NOL4: variants seen among roughly 807,000 people sequenced by gnomAD.
NOL4 encodes cancer/testis antigen 125.
NOL4 carries 17 observed loss-of-function variants against 75.9 expected under a neutral mutation model. The observed-to-expected ratio is 0.22, with a 90% confidence interval of 0.15 to 0.34. The LOEUF (loss-of-function observed/expected upper bound fraction) is 0.34, where lower values mean the gene tolerates loss of function less well. Ranked by LOEUF, NOL4 falls within the 10% of genes least tolerant of loss-of-function variation. The pLI is 1.00. For missense variants in NOL4, 614 were observed against 793.5 expected (o/e 0.77, Z 2.72); for synonymous variants, 292 against 289.9 (o/e 1.01, Z -0.07).
Position 33,885,333 on chromosome 18 carries a change from C to T in NOL4, c.1543-1909G>A, listed in dbSNP as rs1029841267. Among the ~76,000 whole-genome samples, 10 of 152,070 alleles carry T rather than the reference C, an allele frequency of 6.6e-5. No individual in the cohort carries two copies. The East Asian group carries it at 1.2e-3, about 18-fold the overall frequency. ...CAAAAATGGACAAACAGGATCACATCAAGTGAAAACCTTCTGCACAGCAAA... is the reference window on the plus strand; with the variant it reads ...CAAAAATGGACAAACAGGATCACATTAAGTGAAAACCTTCTGCACAGCAAA... On this transcript the variant is annotated intron_variant, in intron 9 of 10. Transcript: ENST00000261592.
At chr18:33,983,612 G>A (rs138812431) in intron 6 of NOL4, among the ~76,000 whole-genome samples, 245 of 151,494 alleles carry the variant, frequency 1.6e-3, no homozygotes, top group African/African-American at 5.6e-3. Flanking sequence ...ACACATATAT[G>A]CACACATATA....
intron 10 of NOL4, among the ~76,000 whole-genome samples, chr18:33,869,665 T>C (rs899142519): frequency 6.6e-6 from 1 of 152,054 alleles, no homozygotes; most frequent in East Asian, 1.9e-4. Context: ...ATTTTTTATG[T>C]TATGAAACTG....
intron 1 of NOL4, among the ~76,000 whole-genome samples, chr18:34,144,961 G>A (rs1380974965): frequency 6.6e-6 from 1 of 152,070 alleles, no homozygotes; most frequent in African/African-American, 2.4e-5. Flanking sequence ...AAGAAATGAT[G>A]CAGAAATAAC....
At chr18:34,190,914 A>G (rs1245721342) in intron 1 of NOL4, among the ~76,000 whole-genome samples, 1 of 152,096 alleles carries the variant, frequency 6.6e-6, no homozygotes, top group Non-Finnish European at 1.5e-5. Flanking sequence ...ATGCAAAACT[A>G]TTTCACATAT....
chr18:33,929,267 C>G (rs949991187), intron 9 of NOL4, among the ~76,000 whole-genome samples: 1 of 152,136 alleles, frequency 6.6e-6, no homozygotes, highest in Admixed American at 6.6e-5. Context: ...CCATAAGAAA[C>G]TGCTGTTTTT....
At chr18:33,872,993 C>T (rs1194489377) in intron 10 of NOL4, among the ~76,000 whole-genome samples, 1 of 151,940 alleles carries the variant, frequency 6.6e-6, no homozygotes, top group African/African-American at 2.4e-5. Context: ...CTGTGTGCTG[C>T]AGAATGTGCT....
chr18:34,107,710 C>A (rs1202780058), intron 2 of NOL4, among the ~76,000 whole-genome samples: 2 of 151,524 alleles, frequency 1.3e-5, no homozygotes, highest in African/African-American at 4.8e-5. Flanking sequence ...TTTCCCTATT[C>A]AGAATCTTTT....
intron 1 of NOL4, among the ~76,000 whole-genome samples, chr18:34,140,274 T>G (rs1228407155): frequency 2.6e-5 from 4 of 152,176 alleles, no homozygotes; most frequent in Non-Finnish European, 4.4e-5. Context: ...ATGTTGACAG[T>G]GGGGTGTTAA....
intron 1 of NOL4, among the ~76,000 whole-genome samples, chr18:34,180,673 A>G (rs761566341): frequency 1.3e-5 from 2 of 151,486 alleles, no homozygotes; most frequent in Non-Finnish European, 3.0e-5. Flanking sequence ...GTATATAACT[A>G]TATTTGCAGA....
chr18:34,195,428 A>G (rs1209673070), intron 1 of NOL4, among the ~76,000 whole-genome samples: 1 of 152,164 alleles, frequency 6.6e-6, no homozygotes, highest in African/African-American at 2.4e-5. Flanking sequence ...AAATAACAAA[A>G]TATTTATCAA....
intron 5 of NOL4, among the ~76,000 whole-genome samples, chr18:34,029,853 T>C (rs2075546748): frequency 6.6e-6 from 1 of 152,196 alleles, no homozygotes; most frequent in Admixed American, 6.5e-5. Context: ...AATTTTTCTT[T>C]AAAGTACTAT....
intron 1 of NOL4, among the ~76,000 whole-genome samples, chr18:34,220,416 T>G (rs1348877391): frequency 6.6e-6 from 1 of 152,212 alleles, no homozygotes; most frequent in East Asian, 1.9e-4. Flanking sequence ...CAGCTAAGAA[T>G]GATTCTTAGT....
intron 2 of NOL4, among the ~76,000 whole-genome samples, chr18:34,119,666 C>G (rs1446652670): frequency 3.9e-5 from 6 of 151,972 alleles, no homozygotes; most frequent in Non-Finnish European, 1.5e-5. Context: ...CTGTCGCCCA[C>G]GCTGGAGTGC....
intron 2 of NOL4, among the ~76,000 whole-genome samples, chr18:34,124,363 TAG>T (rs2080287050): frequency 6.6e-6 from 1 of 152,160 alleles, no homozygotes; most frequent in African/African-American, 2.4e-5. Context: ...GAATTGTGCC[TAG>T]AGAGTATTTT....
chr18:34,140,048 T>G (rs1322187641), intron 1 of NOL4, among the ~76,000 whole-genome samples: 2 of 152,188 alleles, frequency 1.3e-5, no homozygotes, highest in Non-Finnish European at 2.9e-5. Flanking sequence ...GAGAGACAGT[T>G]TGCTATAATT....
chr18:33,929,374 C>T (rs1421467834), intron 9 of NOL4, among the ~76,000 whole-genome samples: 1 of 152,124 alleles, frequency 6.6e-6, no homozygotes, highest in Non-Finnish European at 1.5e-5. Context: ...AAAAGGTCTG[C>T]CTTAACAGTT....
At position 34,055,131 on chromosome 18, in the gene NOL4, T is replaced by C. The variant is rs563753035; in HGVS notation, c.773-35530A>G. 5.3e-5 allele frequency among the ~76,000 whole-genome samples: 8 copies of C among 151,902 alleles called. No individual in the cohort carries two copies. In the South Asian group the frequency reaches 1.7e-3, roughly 32 times the overall value. On this transcript the variant is annotated intron_variant, in intron 5 of 10. Coordinates refer to ENST00000261592, the MANE Select transcript of NOL4 (RefSeq NM_003787.5). ...ATTAACATATATTTATATTTGTTTTTATGTTTTTGTCATTTAAATTTTATA... is the reference window on the plus strand; with the variant it reads ...ATTAACATATATTTATATTTGTTTTCATGTTTTTGTCATTTAAATTTTATA...
intron 5 of NOL4, among the ~76,000 whole-genome samples, chr18:34,091,815 G>A (rs2078535636): frequency 6.6e-6 from 1 of 152,106 alleles, no homozygotes; most frequent in Non-Finnish European, 1.5e-5. Flanking sequence ...TACATGTAAG[G>A]CAAGGAAGGG....
intron 8 of NOL4, among the ~76,000 whole-genome samples, chr18:33,948,832 G>T (rs2069011478): frequency 6.6e-6 from 1 of 151,896 alleles, no homozygotes; most frequent in South Asian, 2.1e-4. Context: ...TTGACAAGTT[G>T]GTACAATGCC....
Sources: gnomAD v4.1 joint callset for allele counts (sites outside exome capture counted in the v4.1 genomes callset) on GRCh38, gnomAD v4.1.1 for gene constraint, MANE v1.5 for transcripts, NCBI Gene and HGNC (gene_info 2026-07-23, HGNC 2026-07-21) for gene names.